Variants in SLC6A11 observed in about 807,000 individuals in gnomAD.
SLC6A11 encodes the protein solute carrier family 6 member 11, also known as sodium- and chloride-dependent GABA transporter 3.
A neutral mutation model predicts 74.8 loss-of-function variants in SLC6A11; 25 were observed. That is an observed-to-expected ratio of 0.33 (90% confidence interval 0.24 to 0.47). The LOEUF (loss-of-function observed/expected upper bound fraction) is 0.47. Ranked by LOEUF, SLC6A11 falls within the 20% of genes least tolerant of loss-of-function variation. SLC6A11 has a pLI of 1.00. For synonymous variants in SLC6A11, 330 were observed against 330.2 expected, an observed-to-expected ratio of 1.00 and a Z score of 0.01; for missense variants, 574 against 837.0, an observed-to-expected ratio of 0.69 and a Z score of 3.88.
chr3:10,840,769 C>T (rs1188025298), intron 4 of SLC6A11, among the ~76,000 whole-genome samples: 1 of 152,186 alleles, frequency 6.6e-6, no homozygotes. Flanking sequence ...AGCTCTGTTT[C>T]TTGCTGAGGA....
chr3:10,936,283 G>A (rs1695758861), intron 13 of SLC6A11, among the ~76,000 whole-genome samples: 1 of 152,220 alleles, frequency 6.6e-6, no homozygotes, highest in Admixed American at 6.5e-5. Context: ...TTGCCCAAGG[G>A]CACACAGCTT....
intron 10 of SLC6A11, among the ~76,000 whole-genome samples, chr3:10,930,691 G>C (rs561074005): frequency 6.6e-6 from 1 of 152,174 alleles, no homozygotes; most frequent in Non-Finnish European, 1.5e-5. Flanking sequence ...AAGAGGAGCA[G>C]ATGTTGGCAC....
At chr3:10,828,051 G>A (rs889885456) in intron 4 of SLC6A11, among the ~76,000 whole-genome samples, 2 of 152,138 alleles carry the variant, frequency 1.3e-5, no homozygotes, top group South Asian at 2.1e-4. Flanking sequence ...TCTGGCATCC[G>A]TGCATTTATC....
At chr3:10,927,877 T>C (rs9860808) in intron 9 of SLC6A11, among the ~76,000 whole-genome samples, 28,937 of 152,054 alleles carry the variant, frequency 0.19, 3,018 homozygotes, top group African/African-American at 0.27. Context: ...AGGGAAGGGG[T>C]GCTTCCCAAA....
At chr3:10,875,923 A>C (rs1303757301) in intron 6 of SLC6A11, among the ~76,000 whole-genome samples, 1 of 152,214 alleles carries the variant, frequency 6.6e-6, no homozygotes, top group African/African-American at 2.4e-5. Context: ...TGTGGGTTGC[A>C]GGTGTCAGTA....
chr3:10,853,293 A>G (rs551437341), intron 5 of SLC6A11, among the ~76,000 whole-genome samples: 43 of 152,304 alleles, frequency 2.8e-4, no homozygotes, highest in African/African-American at 9.4e-4. Flanking sequence ...GGGGCATTTG[A>G]GGTAGCAGAG....
At chr3:10,865,582 G>A (rs1263373891) in intron 5 of SLC6A11, among the ~76,000 whole-genome samples, 1 of 152,194 alleles carries the variant, frequency 6.6e-6, no homozygotes, top group Non-Finnish European at 1.5e-5. Flanking sequence ...AGAATCGCTT[G>A]AATCCAGGAG....
chr3:10,933,502 G>A (rs1371384198), intron 11 of SLC6A11, among the ~76,000 whole-genome samples: 1 of 152,202 alleles, frequency 6.6e-6, no homozygotes, highest in Admixed American at 6.5e-5. Context: ...CTGAGGCTCA[G>A]TTTTCCCCTT....
chr3:10,918,244 G>A lies in SLC6A11; in HGVS notation c.996-85G>A. The A allele has an allele frequency of 7.0e-7, 1 of 1,429,130 alleles. No homozygotes were observed. The highest frequency in any genetic ancestry group is 9.2e-7 in the Non-Finnish European group (1 of 1,083,364). The allele number at this position is 1,429,130 out of a possible 1,614,324, so 88.5% of individuals were successfully genotyped here. On this transcript the variant is annotated intron_variant, in intron 7 of 13. Transcript: ENST00000254488. The surrounding 1 kb of genome is among the most constrained non-coding windows in gnomAD (Gnocchi z 4.5). ...ACTTCCCTGCCTGCCTCACAGGACA[G>A]CCATGGTGCTCGGGTGGAGAACGTT...
intron 4 of SLC6A11, among the ~76,000 whole-genome samples, chr3:10,835,445 A>G (rs1212822670): frequency 6.6e-6 from 1 of 151,990 alleles, no homozygotes; most frequent in African/African-American, 2.4e-5. Flanking sequence ...CCTTCCCCTT[A>G]TGCACTTTGC....
intron 5 of SLC6A11, among the ~76,000 whole-genome samples, chr3:10,863,007 G>A (rs4684740): frequency 0.66 from 100,400 of 152,158 alleles, 35,113 homozygotes; most frequent in African/African-American, 0.89. Context: ...TTCACACCAG[G>A]GCCTATTGCA....
intron 4 of SLC6A11, among the ~76,000 whole-genome samples, chr3:10,831,349 A>C (rs1363555532): frequency 2.9e-5 from 4 of 139,826 alleles, no homozygotes; most frequent in African/African-American, 1.2e-4. Flanking sequence ...GCAGCACTGC[A>C]TGTGATAGTT....
intron 1 of SLC6A11, among the ~76,000 whole-genome samples, chr3:10,819,007 A>G (rs1694100663): frequency 6.6e-6 from 1 of 152,174 alleles, no homozygotes; most frequent in Non-Finnish European, 1.5e-5. Flanking sequence ...TCTTTATGAC[A>G]AAGATTGTTT....
intron 6 of SLC6A11, among the ~76,000 whole-genome samples, chr3:10,910,425 GC>G (rs1460171487): frequency 1.3e-5 from 2 of 152,212 alleles, no homozygotes; most frequent in East Asian, 3.9e-4. Context: ...TGGCCTGCGT[GC>G]CCCCAGAACG....
chr3:10,882,143 G>T (rs1417510688), intron 6 of SLC6A11, among the ~76,000 whole-genome samples: 1 of 152,196 alleles, frequency 6.6e-6, no homozygotes, highest in African/African-American at 2.4e-5. Flanking sequence ...GCCAGAAAGG[G>T]TGAAAAGAGC....
At chr3:10,888,230 C>T (rs1260054870) in intron 6 of SLC6A11, among the ~76,000 whole-genome samples, 1 of 152,216 alleles carries the variant, frequency 6.6e-6, no homozygotes, top group Non-Finnish European at 1.5e-5. Flanking sequence ...TTATCCTTTA[C>T]TCATCTCCTT....
intron 5 of SLC6A11, among the ~76,000 whole-genome samples, chr3:10,858,648 C>G (rs1694666419): frequency 6.6e-6 from 1 of 152,234 alleles, no homozygotes; most frequent in Non-Finnish European, 1.5e-5. Flanking sequence ...GGTGGGCACA[C>G]TGAGGCTTAG....
At chr3:10,841,814 T>C (rs1028426570) in intron 4 of SLC6A11, among the ~76,000 whole-genome samples, 2 of 152,178 alleles carry the variant, frequency 1.3e-5, no homozygotes, top group Non-Finnish European at 2.9e-5. Flanking sequence ...TGTGTGTGTG[T>C]GTGCGTGTGT....
intron 5 of SLC6A11, among the ~76,000 whole-genome samples, chr3:10,862,960 C>T (rs1006219204): frequency 6.6e-5 from 10 of 152,242 alleles, no homozygotes; most frequent in African/African-American, 2.4e-4. Context: ...GAGTATTTTA[C>T]TCTCAGATGG....
Sources: gnomAD v4.1 joint callset for allele counts (sites outside exome capture counted in the v4.1 genomes callset) on GRCh38, gnomAD v4.1.1 for gene constraint, Gnocchi (gnomAD v3.1) non-coding constraint, MANE v1.5 for transcripts, NCBI Gene and HGNC (gene_info 2026-07-23, HGNC 2026-07-21) for gene names.